The following COL24A1 variants were observed in gnomAD, a reference collection of about 807,000 sequenced individuals.
The protein encoded by COL24A1 is collagen type XXIV alpha 1 chain.
In COL24A1, 224 loss-of-function variants were observed where a neutral mutation model predicts 253.9. The ratio of observed to expected loss-of-function variants is 0.88; its 90% CI spans 0.79 to 0.99. The LOEUF (loss-of-function observed/expected upper bound fraction) is 0.99, where lower values mean the gene tolerates loss of function less well. Ranked by LOEUF, COL24A1 falls within the 50% of genes least tolerant of loss-of-function variation. The pLI, the probability that COL24A1 is intolerant of heterozygous loss-of-function variation, is 0.00. For synonymous variants in COL24A1, 685 were observed against 673.7 expected (o/e 1.02, Z -0.26); for missense variants, 2,131 against 2,068.5 (o/e 1.03, Z -0.59).
chr1:85,868,634 G>A lies in COL24A1; in HGVS notation c.3193-8C>T, dbSNP rs757340999. On this transcript the variant is annotated splice_region_variant and splice_polypyrimidine_tract_variant and intron_variant, in intron 36 of 59. Coordinates refer to ENST00000370571, the MANE Select transcript of COL24A1 (RefSeq NM_152890.7). ...CCTTCCTCCTGGTACTCCCTGTAAT[G>A]CAATAAAAAAGTTTTCTATAAAGGA... The A allele has an allele frequency of 3.8e-5, 61 of 1,607,634 alleles. No homozygotes were observed. Among genetic ancestry groups the A allele is most frequent in the Middle Eastern group, 1.6e-4 (1 of 6,066 alleles).
chr1:86,066,211 C>T (rs1023004370), intron 7 of COL24A1, among the ~76,000 whole-genome samples: 1 of 147,204 alleles, frequency 6.8e-6, no homozygotes, highest in African/African-American at 2.5e-5. Context: ...CACTCTTTTC[C>T]TTGAAATATC....
chr1:85,836,484 T>C (rs1027105451), intron 43 of COL24A1, among the ~76,000 whole-genome samples: 1 of 152,190 alleles, frequency 6.6e-6, no homozygotes, highest in Admixed American at 6.5e-5. Flanking sequence ...AATATCCATA[T>C]AGAAAAGCAA....
Position 85,882,189 on chromosome 1 carries a change from T to C in COL24A1, c.2977-5014A>G, listed in dbSNP as rs149803660. On this transcript the variant is annotated intron_variant, in intron 32 of 59. Transcript: ENST00000370571. ...TGTATGATGTCTAGTCTTTTAAATT[T>C]GTTGTTGGCCGGGCGCAGTGGCTCA... Among the ~76,000 whole-genome samples, 974 of 152,236 alleles carry C rather than the reference T, an allele frequency of 6.4e-3. 17 individuals are homozygous for C. Among genetic ancestry groups the C allele is most frequent in the African/African-American group, 0.021 (870 of 41,548 alleles).
chr1:85,818,048 T>TC lies in COL24A1; in HGVS notation c.3828dup (p.Lys1277GlufsTer79). On this transcript the variant is annotated frameshift_variant, in exon 46 of 60. Transcript: ENST00000370571. LOFTEE classifies it high-confidence loss of function. ...CTGTTACTTACAGGAATCCCAGGTT[T>TC]CCCAGAAGGACCAGGAGCTCCTTTT... is the stretch of plus-strand genomic sequence containing the variant. The TC allele has an allele frequency of 2.5e-6, 4 of 1,613,696 alleles. No individual in the cohort carries two copies. The highest frequency in any genetic ancestry group is 3.4e-6 in the Non-Finnish European group (4 of 1,179,678).
intron 52 of COL24A1, among the ~76,000 whole-genome samples, chr1:85,780,799 C>T (rs1292434419): frequency 6.6e-6 from 1 of 152,196 alleles, no homozygotes; most frequent in Non-Finnish European, 1.5e-5. Flanking sequence ...CTGTTGACTA[C>T]TCCTTTCTTG....
chr1:85,863,560 T>C (rs1679414550), intron 37 of COL24A1, among the ~76,000 whole-genome samples: 1 of 152,124 alleles, frequency 6.6e-6, no homozygotes. Flanking sequence ...TGGGATCTAA[T>C]TAAACTAAAG....
At chr1:85,837,351 AT>A (rs1484245785) in intron 43 of COL24A1, among the ~76,000 whole-genome samples, 2 of 152,204 alleles carry the variant, frequency 1.3e-5, no homozygotes, top group Non-Finnish European at 2.9e-5. Context: ...GTGAAAGTTA[AT>A]TTTTCAGATT....
chr1:86,105,645 A>G (rs1424777601), intron 5 of COL24A1, among the ~76,000 whole-genome samples: 1 of 125,078 alleles, frequency 8.0e-6, no homozygotes, highest in African/African-American at 2.6e-5. Flanking sequence ...GGGGATTGGC[A>G]TTCCTGGCCA....
At chr1:85,843,522 TAAC>T (rs2102270188) in intron 39 of COL24A1, among the ~76,000 whole-genome samples, 1 of 152,216 alleles carries the variant, frequency 6.6e-6, no homozygotes, top group Non-Finnish European at 1.5e-5. Flanking sequence ...TTATTTGTAA[TAAC>T]AACACTGGAA....
chr1:86,017,120 C>G, intron 19 of COL24A1, 31 bp downstream of exon 19: 2 of 1,578,636 alleles, frequency 1.3e-6, no homozygotes, highest in Non-Finnish European at 1.7e-6. Flanking sequence ...CATTTTGTTT[C>G]AAATTTATTA....
intron 1 of COL24A1, chr1:86,154,447 G>C (rs1653217446): frequency 6.6e-6 from 1 of 152,596 alleles, no homozygotes; most frequent in Non-Finnish European, 1.5e-5. Context: ...CCTTCATCCA[G>C]AACCTGCTAC....
chr1:85,788,178 C>T (rs1218366679), intron 47 of COL24A1, among the ~76,000 whole-genome samples: 2 of 152,108 alleles, frequency 1.3e-5, no homozygotes, highest in Non-Finnish European at 2.9e-5. Context: ...GCAAGCTCCA[C>T]CTCCTGGGTT....
At chr1:86,156,230 C>A in intron 1 of COL24A1, 111 bp downstream of exon 1, 1 of 1,048,310 alleles carries the variant, frequency 9.5e-7, no homozygotes, top group South Asian at 1.7e-5. Flanking sequence ...CTCCTAAAGC[C>A]AAAAAGTGCC....
chr1:86,064,774 T>G (rs911437579), intron 7 of COL24A1, among the ~76,000 whole-genome samples: 2 of 152,084 alleles, frequency 1.3e-5, no homozygotes, highest in Admixed American at 1.3e-4. Flanking sequence ...GATTAATGGA[T>G]TAGAGAAGGG....
At chr1:85,922,632 C>T (rs558394488) in intron 24 of COL24A1, among the ~76,000 whole-genome samples, 10 of 152,140 alleles carry the variant, frequency 6.6e-5, no homozygotes, top group Non-Finnish European at 1.3e-4. Context: ...GAGATTTTGT[C>T]ACCACCAGGC....
At chr1:85,848,637 A>T (rs1677409094) in intron 38 of COL24A1, among the ~76,000 whole-genome samples, 1 of 152,128 alleles carries the variant, frequency 6.6e-6, no homozygotes, top group African/African-American at 2.4e-5. Flanking sequence ...TTAGCACCAA[A>T]ATATAGCTGT....
intron 55 of COL24A1, among the ~76,000 whole-genome samples, chr1:85,760,374 GGA>G (rs1025054255): frequency 1.6e-4 from 25 of 152,112 alleles, no homozygotes; most frequent in African/African-American, 6.0e-4. Flanking sequence ...GTCCACACAG[GGA>G]GAGTTTCCCT....
At chr1:86,080,329 A>G (rs1266411358) in intron 7 of COL24A1, among the ~76,000 whole-genome samples, 4 of 152,164 alleles carry the variant, frequency 2.6e-5, no homozygotes, top group Admixed American at 1.3e-4. Context: ...TAATGAGTAC[A>G]AAAGAATAGT....
At chr1:85,918,428 C>T (rs553731578) in intron 24 of COL24A1, among the ~76,000 whole-genome samples, 1 of 152,206 alleles carries the variant, frequency 6.6e-6, no homozygotes, top group East Asian at 1.9e-4. Context: ...TCTAAGCTTT[C>T]TAGTCTATCT....
Sources: allele counts gnomAD v4.1 joint callset (sites outside exome capture counted in the v4.1 genomes callset), GRCh38; gene constraint gnomAD v4.1.1; transcripts MANE v1.5; gene names NCBI Gene and HGNC (gene_info 2026-07-23, HGNC 2026-07-21).